KLHL3: variants seen among roughly 807,000 people sequenced by gnomAD.
KLHL3 encodes kelch-like protein 3.
A neutral mutation model predicts 70.5 loss-of-function variants in KLHL3; 19 were observed. That is an observed-to-expected ratio of 0.27 (90% CI 0.19 to 0.40). KLHL3 has a LOEUF of 0.40. Ranked by LOEUF, KLHL3 falls within the 10% of genes least tolerant of loss-of-function variation. KLHL3 has a pLI of 1.00. For synonymous variants in KLHL3, 258 were observed against 290.3 expected (o/e 0.89, Z 1.13); for missense variants, 512 against 771.1 (o/e 0.66, Z 3.98).
At chr5:137,722,012 G>A (rs761195094) in intron 1 of KLHL3, among the ~76,000 whole-genome samples, 2 of 152,162 alleles carry the variant, frequency 1.3e-5, no homozygotes, top group African/African-American at 2.4e-5. Context: ...GCTTTGCTTT[G>A]CTACTAGGAA....
At chr5:137,659,953 G>T (rs1561594860) in intron 7 of KLHL3, among the ~76,000 whole-genome samples, 2 of 152,074 alleles carry the variant, frequency 1.3e-5, no homozygotes, top group African/African-American at 4.8e-5. Flanking sequence ...TCCCCCAGAA[G>T]TCAGGCAGTG....
intron 8 of KLHL3, among the ~76,000 whole-genome samples, chr5:137,647,042 C>T (rs1751065695): frequency 6.6e-6 from 1 of 152,134 alleles, no homozygotes. Flanking sequence ...CTCTGGTTGA[C>T]AGAATATGAG....
intron 10 of KLHL3, among the ~76,000 whole-genome samples, chr5:137,638,319 C>A (rs765111583): frequency 8.5e-5 from 13 of 152,158 alleles, no homozygotes; most frequent in Non-Finnish European, 1.8e-4. Flanking sequence ...TTTTACCTCC[C>A]TGGGGGCCAA....
chr5:137,670,643 T>C (rs1751730959), intron 6 of KLHL3, among the ~76,000 whole-genome samples: 1 of 151,956 alleles, frequency 6.6e-6, no homozygotes, highest in African/African-American at 2.4e-5. Context: ...CCTAAATGTA[T>C]CTGACCTGAG....
chr5:137,692,460 G>A lies in KLHL3; in HGVS notation c.364-13C>T, dbSNP rs1200925546. On this transcript the variant is annotated splice_polypyrimidine_tract_variant and intron_variant, in intron 4 of 14. Transcript: ENST00000309755. The stretch of plus-strand genomic sequence containing the variant: ...CCGGGAGCAGCACCTGCAAGAGAAG[G>A]TGACATTCTCAGATATTGGATCCCA... 6.2e-7 allele frequency: 1 copy of A among 1,613,544 alleles called. No homozygotes were observed. Among genetic ancestry groups the A allele is most frequent in the Non-Finnish European group, 8.5e-7 (1 of 1,179,804 alleles).
rs779977957 is a variant in KLHL3, at chr5:137,658,264, GCTT to G, written c.767_769del (p.Glu256del). 2 of 1,613,996 alleles carry G rather than the reference GCTT, an allele frequency of 1.2e-6. No homozygotes were observed. The highest frequency in any genetic ancestry group is 1.7e-6 in the Non-Finnish European group (2 of 1,179,880). ...ACAGGTGTTGTTATTCTTTATCAAAGCTTCTTCTTCAACCGTCTAGAGGTAATA... is the reference window on the plus strand; with the variant it reads ...ACAGGTGTTGTTATTCTTTATCAAAGCTTCTTCAACCGTCTAGAGGTAATA... On this transcript the variant is annotated inframe_deletion, in exon 8 of 15. Coordinates refer to ENST00000309755, the MANE Select transcript of KLHL3 (RefSeq NM_017415.3).
intron 6 of KLHL3, among the ~76,000 whole-genome samples, chr5:137,673,152 A>T (rs1580750085): frequency 6.6e-6 from 1 of 152,344 alleles, no homozygotes; most frequent in East Asian, 1.9e-4. Context: ...TGGGAAATGC[A>T]GGCCATATAG....
chr5:137,693,495 C>G lies in KLHL3; in HGVS notation c.364-1048G>C, dbSNP rs146623598. ...TAGGACTTTCCCTCAGCTGCTGAAG[C>G]CTGCCTCTAGATCAAACATACAGGA... On this transcript the variant is annotated intron_variant, in intron 4 of 14. Coordinates refer to ENST00000309755, the MANE Select transcript of KLHL3 (RefSeq NM_017415.3). Among the ~76,000 whole-genome samples the G allele has an allele frequency of 3.8e-3, 585 of 152,228 alleles. 5 individuals are homozygous for G. The highest frequency in any genetic ancestry group is 0.013 in the African/African-American group (559 of 41,550).
At chr5:137,705,073 C>G (rs1752659314) in intron 3 of KLHL3, among the ~76,000 whole-genome samples, 1 of 152,164 alleles carries the variant, frequency 6.6e-6, no homozygotes, top group Non-Finnish European at 1.5e-5. Context: ...GAAACCAGAC[C>G]CTATCTACTA....
intron 7 of KLHL3, 120 bp from the exon 8 acceptor site, chr5:137,658,400 T>C: frequency 4.2e-6 from 4 of 955,670 alleles, no homozygotes; most frequent in Non-Finnish European, 6.6e-6. Flanking sequence ...CCACATCATC[T>C]CAGACCCAAA....
chr5:137,693,572 T>A (rs915757473), intron 4 of KLHL3, among the ~76,000 whole-genome samples: 2 of 152,052 alleles, frequency 1.3e-5, no homozygotes, highest in African/African-American at 4.8e-5. Context: ...GCCCTTCACC[T>A]ATGGAAGCAG....
intron 12 of KLHL3, among the ~76,000 whole-genome samples, chr5:137,630,149 C>G (rs879765650): frequency 6.6e-6 from 1 of 152,158 alleles, no homozygotes; most frequent in Non-Finnish European, 1.5e-5. Flanking sequence ...CCAAATCTTA[C>G]GAAAGTGAAG....
intron 5 of KLHL3, among the ~76,000 whole-genome samples, chr5:137,689,281 CAAAG>C (rs1752259871): frequency 6.6e-6 from 1 of 152,224 alleles, no homozygotes; most frequent in South Asian, 2.1e-4. Context: ...GGAGATTTCT[CAAAG>C]AACTAAAAAT....
intron 3 of KLHL3, 56 bp downstream of exon 3, chr5:137,709,694 C>T: frequency 1.5e-6 from 2 of 1,372,990 alleles, no homozygotes; most frequent in Non-Finnish European, 1.0e-6. Context: ...CCCCAACATT[C>T]TCCCAGTGGG....
At chr5:137,658,635 T>C (rs187506292) in intron 7 of KLHL3, among the ~76,000 whole-genome samples, 1 of 152,328 alleles carries the variant, frequency 6.6e-6, no homozygotes, top group East Asian at 1.9e-4. Flanking sequence ...TGAAAGCCTC[T>C]AACCACATTT....
chr5:137,720,790 T>C (rs1752982011), intron 1 of KLHL3: 8 of 1,400,472 alleles, frequency 5.7e-6, no homozygotes, highest in Non-Finnish European at 7.4e-6. Context: ...AGGCAGGTCA[T>C]AGCTCAGCTT....
intron 1 of KLHL3, among the ~76,000 whole-genome samples, chr5:137,721,888 A>G (rs955127134): frequency 6.6e-6 from 1 of 152,270 alleles, no homozygotes; most frequent in African/African-American, 2.4e-5. Context: ...TGGAAGGTGG[A>G]AATAAGGAAT....
intron 3 of KLHL3, chr5:137,705,995 A>C: frequency 5.1e-6 from 5 of 985,316 alleles, no homozygotes; most frequent in Non-Finnish European, 6.0e-6. Context: ...TGCTCACCCC[A>C]GATCTTCTTA....
intron 3 of KLHL3, 89 bp downstream of exon 3, chr5:137,709,661 C>G: frequency 3.0e-6 from 3 of 1,006,322 alleles, no homozygotes; most frequent in Non-Finnish European, 4.7e-6. Flanking sequence ...CTTTCTCTTT[C>G]CTCCCTCCCC....
Sources: allele counts gnomAD v4.1 joint callset (sites outside exome capture counted in the v4.1 genomes callset), GRCh38; gene constraint gnomAD v4.1.1; transcripts MANE v1.5; gene names NCBI Gene and HGNC (gene_info 2026-07-23, HGNC 2026-07-21).